The following SRRD variants were observed in gnomAD, a reference collection of about 807,000 sequenced individuals.
SRRD encodes SRR1 domain containing.
In SRRD, 28 loss-of-function variants were observed where a neutral mutation model predicts 30.7. The ratio of observed to expected loss-of-function variants is 0.91; its 90% CI spans 0.68 to 1.25. SRRD has a LOEUF of 1.25. Among genes scored for constraint, SRRD ranks in the 50% most tolerant of loss-of-function variants. The pLI is 0.00. For missense variants in SRRD, 415 were observed against 417.3 expected, an observed-to-expected ratio of 0.99 and a Z score of 0.05; for synonymous variants, 161 against 159.6, an observed-to-expected ratio of 1.01 and a Z score of -0.07.
chr22:26,486,792 G>A lies in SRRD; in HGVS notation c.250+729G>A, dbSNP rs140828595. On this transcript the variant is annotated intron_variant, in intron 2 of 6. Coordinates refer to ENST00000215917, the MANE Select transcript of SRRD (RefSeq NM_001013694.3). ...CCAGAAGTAGAATTAAATGAAAGGC[G>A]GTGACCAACTTGATATCTATTGTCA... is the stretch of plus-strand genomic sequence containing the variant. Among the ~76,000 whole-genome samples the A allele has an allele frequency of 1.6e-4, 25 of 152,168 alleles. No homozygotes were observed. In the East Asian group the frequency reaches 4.4e-3, roughly 27 times the overall value.
rs769968692 is a variant in SRRD, at chr22:26,488,235, A to G, written c.457A>G (p.Ile153Val). 6.2e-7 allele frequency: 1 copy of G among 1,614,218 alleles called. No individual in the cohort carries two copies. Among genetic ancestry groups the G allele is most frequent in the South Asian group, 1.1e-5 (1 of 91,084 alleles). The change falls in exon 3 of 7, where the codon ATC (isoleucine) becomes GTC (valine). Residue 153 changes from isoleucine (I) to valine (V), a missense_variant. Coordinates refer to ENST00000215917, the MANE Select transcript of SRRD (RefSeq NM_001013694.3). Reference protein sequence around the residue: ...CYGIGNFATCIVARNQLTFLL... With the variant: ...CYGIGNFATCVVARNQLTFLL... Reference sequence around the variant, plus strand: ...CGGCATTGGGAACTTTGCCACCTGCATCGTAGCTAGAAACCAGCTAACGTT... The same window carrying G: ...CGGCATTGGGAACTTTGCCACCTGCGTCGTAGCTAGAAACCAGCTAACGTT...
In SRRD at chr22:26,484,010, GC is replaced by G. The variant is rs1180389201; in HGVS notation, c.124del (p.Arg42GlyfsTer42). On this transcript the variant is annotated frameshift_variant, in exon 1 of 7. Transcript: ENST00000215917. LOFTEE classifies it high-confidence loss of function. ...CGGCGCCCCGGGGGAGAGAGGCGGCGCCCCGGGGGAGAGAGGCGGCGCCCCG... is the reference window on the plus strand; with the variant it reads ...CGGCGCCCCGGGGGAGAGAGGCGGCGCCCGGGGGAGAGAGGCGGCGCCCCG... ...EAAPRGREAA[P>X]RGREAAPRGP... is the part of the protein sequence containing the mutation. 33 of 1,357,656 alleles carry G rather than the reference GC, an allele frequency of 2.4e-5. No individual in the cohort carries two copies. In the African/African-American group the frequency reaches 4.5e-4, roughly 18 times the overall value. The allele number at this position is 1,357,656 out of a possible 1,614,324, so 84.1% of individuals were successfully genotyped here.
chr22:26,486,121 A>C, intron 2 of SRRD, 58 bp downstream of exon 2: 1 of 1,610,176 alleles, frequency 6.2e-7, no homozygotes, highest in Non-Finnish European at 8.5e-7. Context: ...ATCAGTCCTC[A>C]TTTGAGGACA....
rs911957995 is a variant in SRRD, at chr22:26,491,953, T to C, written c.*281T>C. On this transcript the variant is annotated 3_prime_UTR_variant, in exon 7 of 7. Coordinates refer to ENST00000215917, the MANE Select transcript of SRRD (RefSeq NM_001013694.3). ...TTTGAAGGTGATCTAAAAATACTGT[T>C]TATTTACAGTACATCCCTCTTAGGG... 21 of 1,442,274 alleles carry C rather than the reference T, an allele frequency of 1.5e-5. No individual in the cohort carries two copies. The highest frequency in any genetic ancestry group is 8.3e-5 in the Admixed American group (4 of 48,080). 89.3% of individuals were successfully genotyped at this position (1,442,274 alleles called of 1,614,324 possible). A position where few individuals can be genotyped will look rare whatever the true frequency, so the allele number is the denominator to read the frequency against.
chr22:26,491,155 A>T, intron 6 of SRRD, 85 bp downstream of exon 6: 1 of 1,395,218 alleles, frequency 7.2e-7, no homozygotes. Context: ...GTAGGAGGAA[A>T]CTCATGGGCT....
Position 26,493,484 on chromosome 22 carries a change from A to T in SRRD, c.*1812A>T, listed in dbSNP as rs134981. 1.3e-5 allele frequency: 2 copies of T among 152,430 alleles called. No individual in the cohort carries two copies. Among genetic ancestry groups the T allele is most frequent in the African/African-American group, 2.4e-5 (1 of 41,474 alleles). The allele number at this position is 152,430 out of a possible 1,614,324, so 9.4% of individuals were successfully genotyped here. A position where few individuals can be genotyped will look rare whatever the true frequency, so the allele number is the denominator to read the frequency against. On this transcript the variant is annotated 3_prime_UTR_variant, in exon 7 of 7. Coordinates refer to ENST00000215917, the MANE Select transcript of SRRD (RefSeq NM_001013694.3). ...CCCATTTCAATGCTGCGAATCGGCT[A>T]ATGAGCAACACTGGAGCACAGGACT... is the stretch of plus-strand genomic sequence containing the variant.
intron 5 of SRRD, among the ~76,000 whole-genome samples, chr22:26,490,446 A>G (rs530269928): frequency 6.6e-6 from 1 of 152,120 alleles, no homozygotes; most frequent in East Asian, 1.9e-4. Flanking sequence ...AAAACAGGGA[A>G]AAGCTATTTG....
At chr22:26,485,112 G>A (rs546361376) in intron 1 of SRRD, among the ~76,000 whole-genome samples, 2 of 152,270 alleles carry the variant, frequency 1.3e-5, no homozygotes, top group South Asian at 4.1e-4. Flanking sequence ...GTGCCTAGGG[G>A]TTTGGAAAAC....
chr22:26,485,924 A>C, intron 1 of SRRD, 99 bp from the exon 2 acceptor site: 2 of 1,412,644 alleles, frequency 1.4e-6, no homozygotes, highest in Middle Eastern at 1.8e-4. Flanking sequence ...ATTGCAGGGC[A>C]CCTCATTCTG....
Position 26,491,624 on chromosome 22 carries a change from C to T in SRRD, c.972C>T (p.Asp324=), listed in dbSNP as rs569715425. Residue 324 remains aspartate (D), a synonymous_variant, in exon 7 of 7, where the codon GAC becomes GAT. Coordinates refer to ENST00000215917, the MANE Select transcript of SRRD (RefSeq NM_001013694.3). The stretch of plus-strand genomic sequence containing the variant: ...AACCAGATTATCAGGACTGTGAGGA[C>T]CTTGAAATCATCAGGAACAAGAGAG... ...REEPDYQDCE[D]LEIIRNKRED... 14 of 1,613,884 alleles carry T rather than the reference C, an allele frequency of 8.7e-6. No individual in the cohort carries two copies. The Admixed American group carries it at 1.3e-4, about 15-fold the overall frequency.
chr22:26,485,579 A>G (rs1273788398), intron 1 of SRRD, among the ~76,000 whole-genome samples: 1 of 152,200 alleles, frequency 6.6e-6, no homozygotes, highest in Non-Finnish European at 1.5e-5. Flanking sequence ...TTTGTTGAGT[A>G]CCTGCTATGT....
rs1467648768 is a variant in SRRD, at chr22:26,483,889, C to G, written c.-2C>G. On this transcript the variant is annotated 5_prime_UTR_variant, in exon 1 of 7. Coordinates refer to ENST00000215917, the MANE Select transcript of SRRD (RefSeq NM_001013694.3). ...GCCGCACGCCGCTGACGTCAGAGAC[C>G]AATGGCTGCGGCCGCAGCTGCGGCG... is the stretch of plus-strand genomic sequence containing the variant. 1 of 1,350,152 alleles carries G rather than the reference C, an allele frequency of 7.4e-7. No homozygotes were observed. Among genetic ancestry groups the G allele is most frequent in the East Asian group, 3.1e-5 (1 of 32,220 alleles). 83.6% of individuals were successfully genotyped at this position (1,350,152 alleles called of 1,614,324 possible). A position where few individuals can be genotyped will look rare whatever the true frequency, so the allele number is the denominator to read the frequency against.
rs374772579 is a variant in SRRD at position 26,483,922 on chromosome 22, C to G, written c.32C>G (p.Ser11Cys). ...GCGGCCGCAGCTGCGGCGCTGGAAT[C>G]CTGGCAGGCGGCGGCTCCGCGGAAG... is the stretch of plus-strand genomic sequence containing the variant. MAAAAAAALE[S>C]WQAAAPRKRR... Residue 11 changes from serine (S) to cysteine (C), a missense_variant, in exon 1 of 7, where the codon TCC becomes TGC. Coordinates refer to ENST00000215917, the MANE Select transcript of SRRD (RefSeq NM_001013694.3). 7.4e-7 allele frequency: 1 copy of G among 1,350,122 alleles called. No individual in the cohort carries two copies. Among genetic ancestry groups the G allele is most frequent in the African/African-American group, 1.5e-5 (1 of 64,728 alleles). The allele number at this position is 1,350,122 out of a possible 1,614,324, so 83.6% of individuals were successfully genotyped here.
chr22:26,488,185 C>T lies in SRRD; in HGVS notation c.407C>T (p.Thr136Ile), dbSNP rs2091722569. ...SIPREILVTG[T>I]CHLKCVCYGI... The stretch of plus-strand genomic sequence containing the variant: ...CCAAGAGAGATCTTGGTCACAGGAA[C>T]CTGCCATTTGAAGTGTGTGTGTTAC... Residue 136 changes from threonine to isoleucine, a missense_variant, in exon 3 of 7, where the codon ACC becomes ATC. Coordinates refer to ENST00000215917, the MANE Select transcript of SRRD (RefSeq NM_001013694.3). The T allele has an allele frequency of 6.2e-7, 1 of 1,614,216 alleles. No individual in the cohort carries two copies. Among genetic ancestry groups the T allele is most frequent in the Non-Finnish European group, 8.5e-7 (1 of 1,180,036 alleles).
intron 6 of SRRD, 143 bp downstream of exon 6, chr22:26,491,213 G>T: frequency 1.1e-6 from 1 of 883,216 alleles, no homozygotes; most frequent in Non-Finnish European, 1.8e-6. Context: ...CTGTGTTCCA[G>T]AAAGCTATGA....
intron 2 of SRRD, 97 bp from the exon 3 acceptor site, chr22:26,487,932 C>G (rs952911078): frequency 2.2e-6 from 3 of 1,388,592 alleles, no homozygotes; most frequent in African/African-American, 1.4e-5. Context: ...CTGCCCTGAT[C>G]TCTTTCTCCC....
rs1310305804 is a variant in SRRD at position 26,493,776 on chromosome 22, C to CA, written c.*2107dup. 4.5e-6 allele frequency: 1 copy of CA among 221,748 alleles called. No homozygotes were observed. The highest frequency in any genetic ancestry group is 2.3e-5 in the African/African-American group (1 of 43,438). 13.7% of individuals were successfully genotyped at this position (221,748 alleles called of 1,614,324 possible). A position where few individuals can be genotyped will look rare whatever the true frequency, so the allele number is the denominator to read the frequency against. ...AATCACCAAGTGTCAGACCGCGTGC[C>CA]AAACTCCACACTGTAAGATGCGTCA... On this transcript the variant is annotated 3_prime_UTR_variant, in exon 7 of 7. Coordinates refer to ENST00000215917, the MANE Select transcript of SRRD (RefSeq NM_001013694.3).
intron 1 of SRRD, among the ~76,000 whole-genome samples, chr22:26,485,210 C>T (rs1168102170): frequency 2.6e-5 from 4 of 152,224 alleles, no homozygotes; most frequent in Admixed American, 2.6e-4. Context: ...CTCCCAACAC[C>T]CAAGTGTGGT....
chr22:26,485,880 C>A (rs1396454521), intron 1 of SRRD, 143 bp from the exon 2 acceptor site: 2 of 882,616 alleles, frequency 2.3e-6, no homozygotes, highest in East Asian at 2.4e-5. Context: ...CAACATATAT[C>A]CCCCTCCTAT....
Sources: gnomAD v4.1 joint callset for allele counts (sites outside exome capture counted in the v4.1 genomes callset) on GRCh38, gnomAD v4.1.1 for gene constraint, MANE v1.5 for transcripts, NCBI Gene and HGNC (gene_info 2026-07-23, HGNC 2026-07-21) for gene names.